The following PTPRQ variants were observed in gnomAD, a reference collection of about 807,000 sequenced individuals.
PTPRQ encodes the protein protein tyrosine phosphatase receptor type Q.
In PTPRQ, 199 loss-of-function variants were observed where a neutral mutation model predicts 246.0. That is an observed-to-expected ratio of 0.81 (90% CI 0.72 to 0.91). PTPRQ has a LOEUF of 0.91. Ranked by LOEUF, PTPRQ falls within the 40% of genes least tolerant of loss-of-function variation. PTPRQ has a pLI of 0.00. For missense variants in PTPRQ, 2,624 were observed against 2,528.4 expected (o/e 1.04, Z -0.81); for synonymous variants, 869 against 853.2 (o/e 1.02, Z -0.32).
Position 80,669,140 on chromosome 12 carries a change from G to C in PTPRQ, c.6326G>C (p.Arg2109Pro). 6.5e-7 allele frequency: 1 copy of C among 1,541,818 alleles called. No individual in the cohort carries two copies. Among genetic ancestry groups the C allele is most frequent in the Non-Finnish European group, 8.8e-7 (1 of 1,142,826 alleles). Residue 2109 changes from arginine (R) to proline (P), a missense_variant and splice_region_variant, in exon 40 of 45, where the codon CGG (arginine) becomes CCG (proline). Physicochemically the swap from Arg to Pro is moderately radical, Grantham distance 103 (BLOSUM62 -2). Transcript: ENST00000644991. Reference sequence around the variant, plus strand: ...CTAACACAGTGTTTTGAAAAAGGACGGGTAAGTTATTTGAAAATGTTTTAC... The same window carrying C: ...CTAACACAGTGTTTTGAAAAAGGACCGGTAAGTTATTTGAAAATGTTTTAC... Reference protein sequence around the residue: ...VMLTQCFEKGRIRCHQYWPED... With the variant: ...VMLTQCFEKGPIRCHQYWPED...
intron 36 of PTPRQ, 41 bp downstream of exon 36, chr12:80,648,964 A>G (rs1841082538): frequency 1.3e-6 from 2 of 1,488,088 alleles, no homozygotes; most frequent in Non-Finnish European, 1.8e-6. Flanking sequence ...TTTGAATATC[A>G]AAGTTAGATG....
intron 17 of PTPRQ, among the ~76,000 whole-genome samples, chr12:80,527,787 A>T (rs904032843): frequency 6.6e-6 from 1 of 152,050 alleles, no homozygotes; most frequent in Non-Finnish European, 1.5e-5. Context: ...GGAGTCTGAG[A>T]CCAGCGTGGG....
rs555625840 is a variant in PTPRQ at position 80,634,796 on chromosome 12, GAGT to G, written c.5787-146_5787-144del. On this transcript the variant is annotated intron_variant, in intron 34 of 44. Coordinates refer to ENST00000644991, the MANE Select transcript of PTPRQ (RefSeq NM_001145026.2). ...GGAATTAAAACAAGAAAAAGAAGTC[GAGT>G]AGCTATAAATTTGCAACATATTCAG... 735 of 1,131,872 alleles carry G rather than the reference GAGT, an allele frequency of 6.5e-4. 7 individuals are homozygous for G. The African/African-American group carries it at 0.01, about 15-fold the overall frequency. 70.1% of individuals were successfully genotyped at this position (1,131,872 alleles called of 1,614,324 possible). A position where few individuals can be genotyped will look rare whatever the true frequency, so the allele number is the denominator to read the frequency against.
At chr12:80,574,598 C>T (rs1465692818) in intron 25 of PTPRQ, among the ~76,000 whole-genome samples, 2 of 151,966 alleles carry the variant, frequency 1.3e-5, no homozygotes, top group Non-Finnish European at 2.9e-5. Flanking sequence ...TTTTTCGTGG[C>T]TTCTCAAGGG....
chr12:80,582,890 AAAAC>A (rs1454890185), intron 25 of PTPRQ, among the ~76,000 whole-genome samples: 10 of 152,176 alleles, frequency 6.6e-5, no homozygotes, highest in African/African-American at 2.4e-4. Context: ...CAAAACAAAA[AAAAC>A]TTTTCAAGTA....
At chr12:80,448,877 T>C (rs1892644719) in intron 3 of PTPRQ, among the ~76,000 whole-genome samples, 2 of 146,672 alleles carry the variant, frequency 1.4e-5, no homozygotes, top group South Asian at 2.2e-4. Context: ...TATAGTCCTT[T>C]GGGTATATAC....
At chr12:80,516,306 C>T (rs1895297830) in intron 17 of PTPRQ, among the ~76,000 whole-genome samples, 1 of 152,098 alleles carries the variant, frequency 6.6e-6, no homozygotes, top group African/African-American at 2.4e-5. Flanking sequence ...AGAATATACC[C>T]TCTATAGCTA....
intron 14 of PTPRQ, among the ~76,000 whole-genome samples, chr12:80,496,939 A>G (rs912144544): frequency 8.6e-5 from 13 of 151,936 alleles, no homozygotes; most frequent in Middle Eastern, 3.2e-3. Context: ...CAAAAATGGC[A>G]TGCCTGGAGA....
intron 25 of PTPRQ, chr12:80,583,744 G>A (rs754124951): frequency 2.0e-5 from 3 of 152,148 alleles, no homozygotes; most frequent in Non-Finnish European, 4.4e-5. Flanking sequence ...AAGTCCAGGC[G>A]TGTTGTGCCT....
intron 8 of PTPRQ, 141 bp downstream of exon 8, chr12:80,472,392 C>A: frequency 8.2e-7 from 1 of 1,220,900 alleles, no homozygotes; most frequent in Non-Finnish European, 1.1e-6. Context: ...CTAATTCATT[C>A]TGAACATGTG....
chr12:80,495,888 T>C (rs1894602722), intron 12 of PTPRQ, 111 bp from the exon 13 acceptor site: 3 of 1,274,942 alleles, frequency 2.4e-6, no homozygotes, highest in Non-Finnish European at 2.1e-6. Context: ...GGAAGCGATA[T>C]AGATATCTAG....
intron 30 of PTPRQ, among the ~76,000 whole-genome samples, chr12:80,618,796 A>T (rs1165329176): frequency 6.6e-6 from 1 of 151,578 alleles, no homozygotes; most frequent in Non-Finnish European, 1.5e-5. Context: ...TAACCAAGTT[A>T]TATTTAAGCA....
At chr12:80,662,273 A>T (rs1900656675) in intron 39 of PTPRQ, among the ~76,000 whole-genome samples, 1 of 152,008 alleles carries the variant, frequency 6.6e-6, no homozygotes, top group African/African-American at 2.4e-5. Context: ...TAACTGAATA[A>T]CTGCTGTATG....
chr12:80,673,335 A>G, intron 43 of PTPRQ, 31 bp downstream of exon 43: 1 of 1,531,408 alleles, frequency 6.5e-7, no homozygotes, highest in Non-Finnish European at 8.8e-7. Context: ...CTGCATTCTA[A>G]AGTTCTAGAA....
At chr12:80,603,100 A>C (rs576679906) in intron 26 of PTPRQ, among the ~76,000 whole-genome samples, 4 of 151,858 alleles carry the variant, frequency 2.6e-5, no homozygotes, top group African/African-American at 9.6e-5. Flanking sequence ...TTAATGCATG[A>C]GTTAGCTTTT....
Position 80,624,442 on chromosome 12 carries a change from A to G in PTPRQ, c.5686+2308A>G, listed in dbSNP as rs910491285. On this transcript the variant is annotated intron_variant, in intron 33 of 44. Transcript: ENST00000644991. ...CTTTGTTAATTGGCCTTTGCCCTACAGTGCTTATTCTGGATTGACCACATG... is the reference window on the plus strand; with the variant it reads ...CTTTGTTAATTGGCCTTTGCCCTACGGTGCTTATTCTGGATTGACCACATG... Among the ~76,000 whole-genome samples, 15 of 152,176 alleles carry G rather than the reference A, an allele frequency of 9.9e-5. No homozygotes were observed. The East Asian group carries it at 1.2e-3, about 12-fold the overall frequency.
At chr12:80,454,634 A>G (rs1174636270) in intron 3 of PTPRQ, 4 of 671,824 alleles carry the variant, frequency 6.0e-6, no homozygotes, top group African/African-American at 3.6e-5. Context: ...ATTTTGACAT[A>G]TGTTCCTTTG....
At chr12:80,488,164 G>T (rs1032306880) in intron 9 of PTPRQ, among the ~76,000 whole-genome samples, 1 of 151,758 alleles carries the variant, frequency 6.6e-6, no homozygotes, top group Non-Finnish European at 1.5e-5. Flanking sequence ...AGTAAGAAGG[G>T]TCTATATAAT....
intron 17 of PTPRQ, among the ~76,000 whole-genome samples, chr12:80,530,503 A>G (rs536740077): frequency 6.6e-6 from 1 of 152,180 alleles, no homozygotes; most frequent in African/African-American, 2.4e-5. Context: ...CTTTGCTTGC[A>G]CTGTCTAACG....
Sources: allele counts gnomAD v4.1 joint callset (sites outside exome capture counted in the v4.1 genomes callset), GRCh38; gene constraint gnomAD v4.1.1; transcripts MANE v1.5; gene names NCBI Gene and HGNC (gene_info 2026-07-23, HGNC 2026-07-21).